Variants in ESR1 observed in about 807,000 individuals in gnomAD.
The protein encoded by ESR1 is estrogen receptor.
In ESR1, 12 loss-of-function variants were observed where a neutral mutation model predicts 52.7. The ratio of observed to expected loss-of-function variants is 0.23; its 90% CI spans 0.15 to 0.37. The LOEUF (loss-of-function observed/expected upper bound fraction) is 0.37. Among genes scored for constraint, ESR1 ranks in the 10% least tolerant of loss-of-function variants. The pLI, the probability that ESR1 is intolerant of heterozygous loss-of-function variation, is 1.00. For synonymous variants in ESR1, 305 were observed against 316.8 expected (o/e 0.96, Z 0.39); for missense variants, 584 against 779.7 (o/e 0.75, Z 2.99).
intron 5 of ESR1, among the ~76,000 whole-genome samples, chr6:152,023,292 T>G (rs2043842606): frequency 6.6e-6 from 1 of 152,176 alleles, no homozygotes; most frequent in Non-Finnish European, 1.5e-5. Flanking sequence ...CAAAGGGAAC[T>G]TTTTAAACTA....
At chr6:151,837,514 TTG>T (rs1372134484) in intron 1 of ESR1, among the ~76,000 whole-genome samples, 2 of 152,162 alleles carry the variant, frequency 1.3e-5, no homozygotes, top group Non-Finnish European at 2.9e-5. Context: ...TGCAGTGGTA[TTG>T]TGTCTTTTTT....
At chr6:151,862,776 T>A (rs1789122691) in intron 2 of ESR1, among the ~76,000 whole-genome samples, 1 of 152,108 alleles carries the variant, frequency 6.6e-6, no homozygotes, top group Non-Finnish European at 1.5e-5. Flanking sequence ...ACTGTAGTAG[T>A]TTTCTCTTGC....
intron 2 of ESR1, among the ~76,000 whole-genome samples, chr6:151,878,439 T>G (rs1792231398): frequency 6.6e-6 from 1 of 152,230 alleles, no homozygotes; most frequent in Non-Finnish European, 1.5e-5. Flanking sequence ...TAATTTGATC[T>G]GAAGCCCGTG....
At chr6:152,007,027 A>G (rs1188433263) in intron 4 of ESR1, among the ~76,000 whole-genome samples, 1 of 152,024 alleles carries the variant, frequency 6.6e-6, no homozygotes, top group Non-Finnish European at 1.5e-5. Flanking sequence ...CTGAAGAGCC[A>G]CCCTGATTTA....
chr6:151,817,787 T>C (rs1779915327), intron 1 of ESR1, among the ~76,000 whole-genome samples: 1 of 152,224 alleles, frequency 6.6e-6, no homozygotes, highest in Admixed American at 6.5e-5. Context: ...CTGAAGGTAA[T>C]TTAAGCCCTC....
intron 7 of ESR1, among the ~76,000 whole-genome samples, chr6:152,097,751 C>T (rs906158533): frequency 2.0e-5 from 3 of 152,040 alleles, no homozygotes; most frequent in African/African-American, 7.2e-5. Flanking sequence ...CCCATTTCCC[C>T]CCTTGTTTTC....
At chr6:151,880,421 T>A (rs1375948222) in intron 2 of ESR1, among the ~76,000 whole-genome samples, 1 of 152,022 alleles carries the variant, frequency 6.6e-6, no homozygotes, top group Non-Finnish European at 1.5e-5. Flanking sequence ...GACGTCGTGA[T>A]CCACCTGCCT....
chr6:152,000,384 T>A (rs1207193020), intron 4 of ESR1, among the ~76,000 whole-genome samples: 1 of 152,042 alleles, frequency 6.6e-6, no homozygotes, highest in African/African-American at 2.4e-5. Context: ...CCTCATAATA[T>A]CATATTCTAC....
chr6:151,881,736 A>C (rs949132237), intron 3 of ESR1, among the ~76,000 whole-genome samples: 2 of 152,046 alleles, frequency 1.3e-5, no homozygotes, highest in African/African-American at 4.8e-5. Context: ...TACAAAAATT[A>C]GCTGGGTATG....
intron 6 of ESR1, chr6:152,112,696 A>G (rs559508825): frequency 6.6e-6 from 1 of 152,300 alleles, no homozygotes; most frequent in South Asian, 2.1e-4. Flanking sequence ...AACTCTGCAG[A>G]GGGGCCAGCT....
At chr6:151,746,247 A>G (rs1783474537) in intron 2 of ESR1, among the ~76,000 whole-genome samples, 1 of 152,238 alleles carries the variant, frequency 6.6e-6, no homozygotes, top group Admixed American at 6.5e-5. Flanking sequence ...ATATAGGATT[A>G]GGATTGCAGG....
chr6:152,085,990 GA>G (rs1243876043), intron 6 of ESR1, among the ~76,000 whole-genome samples: 1 of 152,196 alleles, frequency 6.6e-6, no homozygotes, highest in East Asian at 1.9e-4. Context: ...TACCAGGCAA[GA>G]AAAGGTAGGA....
chr6:151,828,065 G>T (rs11969288), intron 1 of ESR1, among the ~76,000 whole-genome samples: 1 of 152,114 alleles, frequency 6.6e-6, no homozygotes, highest in Admixed American at 6.5e-5. Flanking sequence ...TAGTAAACTG[G>T]AAGTGACTTA....
intron 6 of ESR1, among the ~76,000 whole-genome samples, chr6:152,087,748 A>G (rs968370648): frequency 6.6e-6 from 1 of 152,236 alleles, no homozygotes; most frequent in Non-Finnish European, 1.5e-5. Flanking sequence ...AAACAAGGAT[A>G]CAATCCATGT....
chr6:151,718,564 C>T (rs1410941697), intron 2 of ESR1, among the ~76,000 whole-genome samples: 1 of 152,182 alleles, frequency 6.6e-6, no homozygotes. Flanking sequence ...CACATCTGTC[C>T]TTGACAATGG....
At chr6:152,043,289 C>T (rs957912307) in intron 5 of ESR1, among the ~76,000 whole-genome samples, 23 of 152,174 alleles carry the variant, frequency 1.5e-4, no homozygotes, top group South Asian at 6.2e-4. Context: ...CAAGCTGCAA[C>T]ATTAAATGCA....
upstream of ESR1, among the ~76,000 whole-genome samples, chr6:151,803,049 A>G (rs975036331): frequency 3.9e-5 from 6 of 152,092 alleles, no homozygotes; most frequent in Non-Finnish European, 8.8e-5. Flanking sequence ...AGAGATAGTA[A>G]TCCAGACACC....
intron 3 of ESR1, among the ~76,000 whole-genome samples, chr6:151,932,153 T>C (rs1223659579): frequency 2.0e-5 from 3 of 151,420 alleles, no homozygotes; most frequent in Non-Finnish European, 4.4e-5. Context: ...TTCTAACTGG[T>C]GTGAGATGGT....
chr6:151,713,623 C>T (rs13216104), intron 2 of ESR1, among the ~76,000 whole-genome samples: 35,800 of 151,966 alleles, frequency 0.24, 4,351 homozygotes, highest in Non-Finnish European at 0.25. Flanking sequence ...AGTTTATTTG[C>T]GCAGAGGTGT....
Sources: allele counts gnomAD v4.1 joint callset (sites outside exome capture counted in the v4.1 genomes callset), GRCh38; gene constraint gnomAD v4.1.1; transcripts MANE v1.5; gene names NCBI Gene and HGNC (gene_info 2026-07-23, HGNC 2026-07-21).